ZDHHC21: variants seen among roughly 807,000 people sequenced by gnomAD.
ZDHHC21 encodes zDHHC palmitoyltransferase 21.
ZDHHC21 carries 15 observed loss-of-function variants against 34.6 expected under a neutral mutation model. The observed-to-expected ratio is 0.43, with a 90% CI of 0.29 to 0.67. ZDHHC21 has a LOEUF of 0.67. ZDHHC21 is among the 30% of genes least tolerant of loss of function. The pLI is 0.14. For missense variants in ZDHHC21, 344 were observed against 327.7 expected, an observed-to-expected ratio of 1.05 and a Z score of -0.38; for synonymous variants, 142 against 101.8, an observed-to-expected ratio of 1.40 and a Z score of -2.38.
chr9:14,670,734 A>G (rs993819190), intron 5 of ZDHHC21, among the ~76,000 whole-genome samples: 1 of 152,140 alleles, frequency 6.6e-6, no homozygotes, highest in Non-Finnish European at 1.5e-5. Context: ...ACAGTTTCAC[A>G]TATCTATATG....
intron 2 of ZDHHC21, among the ~76,000 whole-genome samples, chr9:14,689,011 C>A (rs887015099): frequency 3.3e-5 from 5 of 152,178 alleles, no homozygotes; most frequent in Admixed American, 2.0e-4. Flanking sequence ...GACTGCACTG[C>A]ACTCCAGCCT....
intron 1 of ZDHHC21, among the ~76,000 whole-genome samples, chr9:14,691,342 T>A (rs73409735): frequency 3.9e-5 from 6 of 152,250 alleles, no homozygotes; most frequent in African/African-American, 1.4e-4. Flanking sequence ...CTATTCACTA[T>A]AACAGGTCCC....
chr9:14,683,598 TC>T (rs1210937521), intron 2 of ZDHHC21: 1 of 152,176 alleles, frequency 6.6e-6, no homozygotes, highest in Non-Finnish European at 1.5e-5. Flanking sequence ...CCAGATGCAT[TC>T]ACAGCCAAAT....
At position 14,632,677 on chromosome 9, in the gene ZDHHC21, TTG is replaced by T. The variant is rs1238026414; in HGVS notation, c.621+7217_621+7218del. ...TATAACTAAGAGAATGTGAGAATAT[TTG>T]CAAATCACATATTTGCAAATAATAT... On this transcript the variant is annotated intron_variant, in intron 8 of 9. Transcript: ENST00000380916. Among the ~76,000 whole-genome samples the T allele has an allele frequency of 6.9e-4, 101 of 145,776 alleles. 43 individuals are homozygous for T. Among genetic ancestry groups the T allele is most frequent in the East Asian group, 1.4e-3 (7 of 5,074 alleles).
intron 3 of ZDHHC21, among the ~76,000 whole-genome samples, chr9:14,678,909 G>A (rs1483765951): frequency 6.6e-6 from 1 of 152,020 alleles, no homozygotes; most frequent in Non-Finnish European, 1.5e-5. Flanking sequence ...ACTGCTGAGT[G>A]AATAAAGCAA....
intron 8 of ZDHHC21, among the ~76,000 whole-genome samples, chr9:14,631,012 C>T (rs1415861560): frequency 6.6e-6 from 1 of 152,176 alleles, no homozygotes; most frequent in Non-Finnish European, 1.5e-5. Context: ...CTTACAGTCA[C>T]CAGCTGCATT....
At chr9:14,655,163 A>T (rs1038636658) in intron 7 of ZDHHC21, among the ~76,000 whole-genome samples, 1 of 152,110 alleles carries the variant, frequency 6.6e-6, no homozygotes, top group Non-Finnish European at 1.5e-5. Context: ...CCAACAACTG[A>T]CTTTACAACA....
intron 8 of ZDHHC21, among the ~76,000 whole-genome samples, chr9:14,620,930 T>C (rs1219094663): frequency 6.6e-6 from 1 of 152,080 alleles, no homozygotes; most frequent in Non-Finnish European, 1.5e-5. Flanking sequence ...GACAATTGTA[T>C]TAATAATTAA....
chr9:14,684,674 C>A (rs201968616), intron 2 of ZDHHC21, among the ~76,000 whole-genome samples: 189 of 152,060 alleles, frequency 1.2e-3, no homozygotes, highest in African/African-American at 3.7e-3. Flanking sequence ...GCTACCAATG[C>A]CTTTCTTCAC....
the ZDHHC21 span, among the ~76,000 whole-genome samples, chr9:14,602,533 C>G: frequency 6.6e-6 from 1 of 151,652 alleles, no homozygotes; most frequent in Non-Finnish European, 1.5e-5. Flanking sequence ...AATGCACACA[C>G]CATATAGTCA....
rs564287952 is a variant in ZDHHC21, at chr9:14,647,978, G to C, written c.505-7966C>G. 4.1e-4 allele frequency among the ~76,000 whole-genome samples: 62 copies of C among 152,104 alleles called. No homozygotes were observed. In the Middle Eastern group the frequency reaches 0.014, roughly 33 times the overall value. ...GCTGCTTAATTAACATCTGTCCCTG[G>C]AAGTTAAGCAGGCAGAGTAAACATG... On this transcript the variant is annotated intron_variant, in intron 7 of 9. Transcript: ENST00000380916.
At chr9:14,600,701 G>A in the ZDHHC21 span, among the ~76,000 whole-genome samples, 108 of 152,128 alleles carry the variant, frequency 7.1e-4, no homozygotes, top group African/African-American at 2.3e-3. Flanking sequence ...AAGAGAATCC[G>A]AAGCAAAAAG....
chr9:14,688,587 C>T (rs919726802), intron 2 of ZDHHC21, among the ~76,000 whole-genome samples: 1 of 143,198 alleles, frequency 7.0e-6, no homozygotes. Flanking sequence ...GGGGGCCAGG[C>T]ACAGTGGCTC....
At chr9:14,637,690 T>C (rs1263105500) in intron 8 of ZDHHC21, among the ~76,000 whole-genome samples, 1 of 151,978 alleles carries the variant, frequency 6.6e-6, no homozygotes, top group Non-Finnish European at 1.5e-5. Context: ...AGTCACAGGA[T>C]ACAAAATCAG....
the ZDHHC21 span, among the ~76,000 whole-genome samples, chr9:14,600,912 T>A: frequency 2.0e-5 from 3 of 152,110 alleles, no homozygotes; most frequent in East Asian, 3.9e-4. Flanking sequence ...AGGATTCCCT[T>A]TTTAATAAAT....
chr9:14,641,741 T>G (rs745944253), intron 7 of ZDHHC21, among the ~76,000 whole-genome samples: 3 of 152,180 alleles, frequency 2.0e-5, no homozygotes, highest in Non-Finnish European at 4.4e-5. Flanking sequence ...GATGCTCACT[T>G]CCATAAGAAA....
intron 8 of ZDHHC21, among the ~76,000 whole-genome samples, chr9:14,636,217 G>A (rs1017471900): frequency 3.3e-5 from 5 of 152,082 alleles, no homozygotes; most frequent in African/African-American, 9.7e-5. Context: ...TAAAGAGACA[G>A]AAAAAGATAT....
At chr9:14,627,952 A>C (rs867791879) in intron 8 of ZDHHC21, among the ~76,000 whole-genome samples, 2 of 152,312 alleles carry the variant, frequency 1.3e-5, no homozygotes, top group South Asian at 4.1e-4. Context: ...AACAGGCTAA[A>C]CAGTCTGAAG....
intron 2 of ZDHHC21, among the ~76,000 whole-genome samples, chr9:14,681,928 T>A (rs1390333776): frequency 2.0e-5 from 3 of 152,094 alleles, no homozygotes; most frequent in Non-Finnish European, 4.4e-5. Flanking sequence ...GAATTTCATA[T>A]CCAGCCAAAC....
Sources: allele counts gnomAD v4.1 joint callset (sites outside exome capture counted in the v4.1 genomes callset), GRCh38; gene constraint gnomAD v4.1.1; transcripts MANE v1.5; gene names NCBI Gene and HGNC (gene_info 2026-07-23, HGNC 2026-07-21).